Variants in PXDNL observed in about 807,000 individuals in gnomAD.
PXDNL encodes the protein peroxidasin like, also known as probable oxidoreductase PXDNL.
A neutral mutation model predicts 150.8 loss-of-function variants in PXDNL; 145 were observed. That is an observed-to-expected ratio of 0.96 (90% CI 0.84 to 1.10). The LOEUF (loss-of-function observed/expected upper bound fraction) is 1.10, where lower values mean the gene tolerates loss of function less well. Ranked by LOEUF, PXDNL falls within the 50% of genes least tolerant of loss-of-function variation. The pLI, the probability that PXDNL is intolerant of heterozygous loss-of-function variation, is 0.00. For synonymous variants in PXDNL, 757 were observed against 725.7 expected (o/e 1.04, Z -0.69); for missense variants, 2,087 against 1,873.9 (o/e 1.11, Z -2.10).
intron 1 of PXDNL, among the ~76,000 whole-genome samples, chr8:51,751,825 T>A (rs1363630410): frequency 6.6e-6 from 1 of 152,242 alleles, no homozygotes. Flanking sequence ...GATTGTACTT[T>A]CCTTCTAATT....
intron 21 of PXDNL, among the ~76,000 whole-genome samples, chr8:51,337,272 T>C (rs1013526582): frequency 1.3e-5 from 2 of 152,182 alleles, no homozygotes; most frequent in African/African-American, 2.4e-5. Flanking sequence ...GAAATGGAAA[T>C]TGAACTGAAA....
At chr8:51,661,246 C>T (rs1815264861) in intron 1 of PXDNL, among the ~76,000 whole-genome samples, 1 of 152,150 alleles carries the variant, frequency 6.6e-6, no homozygotes, top group South Asian at 2.1e-4. Context: ...GCACTTCCTG[C>T]CTCCCAGCTG....
chr8:51,732,492 G>A (rs988581970), intron 1 of PXDNL, among the ~76,000 whole-genome samples: 2 of 152,094 alleles, frequency 1.3e-5, no homozygotes, highest in Non-Finnish European at 2.9e-5. Flanking sequence ...CCCTCAAACT[G>A]TTCCAATCTC....
intron 22 of PXDNL, 131 bp downstream of exon 22, chr8:51,320,653 G>A: frequency 3.0e-6 from 2 of 672,758 alleles, no homozygotes; most frequent in African/African-American, 1.8e-5. Context: ...CCAGTACCTT[G>A]ATCTTAAAAA....
At chr8:51,698,798 T>C (rs1309604024) in intron 1 of PXDNL, among the ~76,000 whole-genome samples, 1 of 152,226 alleles carries the variant, frequency 6.6e-6, no homozygotes, top group East Asian at 1.9e-4. Flanking sequence ...AAGTCAAAAT[T>C]ACTCCTTGAT....
chr8:51,346,216 G>A (rs962319691), intron 19 of PXDNL, among the ~76,000 whole-genome samples: 7 of 152,216 alleles, frequency 4.6e-5, no homozygotes, highest in African/African-American at 1.7e-4. Context: ...CCCAGGCAGA[G>A]TGATGCTGAA....
At chr8:51,358,177 A>C (rs2130741247) in intron 19 of PXDNL, among the ~76,000 whole-genome samples, 1 of 152,282 alleles carries the variant, frequency 6.6e-6, no homozygotes, top group Middle Eastern at 3.4e-3. Context: ...TAAAAATGAA[A>C]CCTAATGAAT....
At chr8:51,353,934 T>A (rs1806427708) in intron 19 of PXDNL, among the ~76,000 whole-genome samples, 1 of 152,166 alleles carries the variant, frequency 6.6e-6, no homozygotes, top group South Asian at 2.1e-4. Context: ...ATTTTGCTTA[T>A]GTATGGCCCT....
At chr8:51,773,314 C>G (rs2037319326) in intron 1 of PXDNL, among the ~76,000 whole-genome samples, 1 of 152,192 alleles carries the variant, frequency 6.6e-6, no homozygotes, top group African/African-American at 2.4e-5. Context: ...AGGGAGCCAG[C>G]CACAGCTTCT....
At chr8:51,623,156 C>G (rs1814290283) in intron 2 of PXDNL, among the ~76,000 whole-genome samples, 2 of 152,190 alleles carry the variant, frequency 1.3e-5, no homozygotes, top group African/African-American at 4.8e-5. Context: ...ATTGTCCTCT[C>G]TCTGGCTACA....
chr8:51,523,003 A>G (rs1811694042), intron 4 of PXDNL, among the ~76,000 whole-genome samples: 1 of 152,234 alleles, frequency 6.6e-6, no homozygotes. Context: ...TACAACAGTG[A>G]TATCTTTTTA....
At chr8:51,578,963 G>A (rs554653850) in intron 3 of PXDNL, among the ~76,000 whole-genome samples, 1 of 152,048 alleles carries the variant, frequency 6.6e-6, no homozygotes, top group African/African-American at 2.4e-5. Flanking sequence ...AACTCTATGT[G>A]GGTTGCAGAA....
intron 3 of PXDNL, among the ~76,000 whole-genome samples, chr8:51,565,838 TA>T (rs200887566): frequency 2.6e-5 from 4 of 151,214 alleles, no homozygotes; most frequent in Non-Finnish European, 5.9e-5. Flanking sequence ...TACACCAAAA[TA>T]AAAAAAAATC....
At chr8:51,447,556 G>T (rs945792708) in intron 11 of PXDNL, among the ~76,000 whole-genome samples, 1 of 152,106 alleles carries the variant, frequency 6.6e-6, no homozygotes, top group Non-Finnish European at 1.5e-5. Context: ...ATACAATAAC[G>T]TGATTAAAAT....
chr8:51,507,882 G>A (rs1224662738), intron 4 of PXDNL, among the ~76,000 whole-genome samples: 1 of 152,182 alleles, frequency 6.6e-6, no homozygotes, highest in Non-Finnish European at 1.5e-5. Flanking sequence ...AACAGTGCCA[G>A]GTTGAGAAAC....
At chr8:51,584,139 G>A (rs1004873993) in intron 3 of PXDNL, among the ~76,000 whole-genome samples, 5 of 152,188 alleles carry the variant, frequency 3.3e-5, no homozygotes, top group African/African-American at 1.2e-4. Context: ...CAGGTAGTCA[G>A]CATATTCTTT....
intron 4 of PXDNL, among the ~76,000 whole-genome samples, chr8:51,547,701 G>A (rs1176326025): frequency 6.6e-6 from 1 of 152,160 alleles, no homozygotes; most frequent in East Asian, 1.9e-4. Context: ...AGCAGCCCTT[G>A]AGTCCCAGAT....
At chr8:51,644,318 T>TTATATATATATATATAGATATATATATA in intron 2 of PXDNL, among the ~76,000 whole-genome samples, 1 of 63,324 alleles carries the variant, frequency 1.6e-5, no homozygotes, top group African/African-American at 3.7e-5. Context: ...AGGCACATTT[T>TTATATATATATATATAGATATATATATA]TACATATATA....
intron 3 of PXDNL, among the ~76,000 whole-genome samples, chr8:51,577,555 C>T (rs1023907371): frequency 6.9e-6 from 1 of 145,982 alleles, no homozygotes; most frequent in Non-Finnish European, 1.5e-5. Context: ...ACTACAAATA[C>T]ATATATTTTA....
Sources: allele counts gnomAD v4.1 joint callset (sites outside exome capture counted in the v4.1 genomes callset), GRCh38; gene constraint gnomAD v4.1.1; transcripts MANE v1.5; gene names NCBI Gene and HGNC (gene_info 2026-07-23, HGNC 2026-07-21).